The following GULP1 variants were observed in gnomAD, a reference collection of about 807,000 sequenced individuals.
The protein encoded by GULP1 is GULP PTB domain containing engulfment adaptor 1.
In GULP1, 19 loss-of-function variants were observed where a neutral mutation model predicts 40.9. That is an observed-to-expected ratio of 0.46 (90% CI 0.32 to 0.68). GULP1 has a LOEUF of 0.68. Ranked by LOEUF, GULP1 falls within the 30% of genes least tolerant of loss-of-function variation. The probability of loss-of-function intolerance (pLI) is 0.03; values close to 1 mark genes in which losing one functional copy is unlikely to be tolerated. For missense variants in GULP1, 312 were observed against 362.2 expected, an observed-to-expected ratio of 0.86 and a Z score of 1.12; for synonymous variants, 119 against 117.6, an observed-to-expected ratio of 1.01 and a Z score of -0.08.
At chr2:188,491,653 A>T (rs2062401207) in intron 4 of GULP1, 1 of 152,096 alleles carries the variant, frequency 6.6e-6, no homozygotes, top group African/African-American at 2.4e-5. Context: ...AAAAGGTCTA[A>T]GATGAGGCAG....
At chr2:188,373,593 T>C (rs894921427) in intron 1 of GULP1, among the ~76,000 whole-genome samples, 112 of 152,072 alleles carry the variant, frequency 7.4e-4, no homozygotes, top group Non-Finnish European at 1.9e-4. Context: ...ATAGTAGATG[T>C]CGAATCCTTA....
chr2:188,353,583 GA>G (rs2044813586), intron 1 of GULP1, among the ~76,000 whole-genome samples: 1 of 151,900 alleles, frequency 6.6e-6, no homozygotes, highest in Admixed American at 6.6e-5. Flanking sequence ...GTACATCCCA[GA>G]AAAATGATGC....
intron 2 of GULP1, among the ~76,000 whole-genome samples, chr2:188,409,044 A>G (rs1327128056): frequency 1.3e-5 from 2 of 152,154 alleles, no homozygotes; most frequent in Non-Finnish European, 2.9e-5. Context: ...AAAAGAAAGA[A>G]AAAGAAGCAA....
chr2:188,444,248 ATT>A (rs1326323035), intron 2 of GULP1, among the ~76,000 whole-genome samples: 3 of 152,200 alleles, frequency 2.0e-5, no homozygotes, highest in Non-Finnish European at 4.4e-5. Context: ...AACATATTGT[ATT>A]CTTGAAAAAT....
At chr2:188,483,809 C>T (rs1344628925) in intron 4 of GULP1, among the ~76,000 whole-genome samples, 1 of 152,094 alleles carries the variant, frequency 6.6e-6, no homozygotes, top group Non-Finnish European at 1.5e-5. Context: ...TCTTTAAAAA[C>T]ATTAATGTTA....
At chr2:188,448,954 C>G (rs553018054) in intron 2 of GULP1, among the ~76,000 whole-genome samples, 1 of 152,306 alleles carries the variant, frequency 6.6e-6, no homozygotes, top group Admixed American at 6.5e-5. Flanking sequence ...TCCCTGGAAG[C>G]TGAGCAGATG....
chr2:188,469,811 G>A (rs1214637692), intron 2 of GULP1, among the ~76,000 whole-genome samples: 5 of 152,070 alleles, frequency 3.3e-5, no homozygotes, highest in Non-Finnish European at 7.4e-5. Context: ...TGAAATGATC[G>A]TATGGTTTTT....
chr2:188,585,078 G>A (rs201605003), intron 10 of GULP1, among the ~76,000 whole-genome samples: 5 of 152,108 alleles, frequency 3.3e-5, no homozygotes, highest in East Asian at 3.9e-4. Context: ...GGAGCCACAG[G>A]CCCCTTGCAA....
intron 3 of GULP1, among the ~76,000 whole-genome samples, chr2:188,482,750 C>A (rs2061538922): frequency 6.6e-6 from 1 of 151,158 alleles, no homozygotes; most frequent in Non-Finnish European, 1.5e-5. Context: ...TTAATATATT[C>A]TATCCTTTTA....
At chr2:188,571,923 A>G (rs552158461) in intron 9 of GULP1, among the ~76,000 whole-genome samples, 2 of 152,280 alleles carry the variant, frequency 1.3e-5, no homozygotes, top group South Asian at 4.1e-4. Flanking sequence ...ACCTTCTTGG[A>G]TGCAAATCCA....
intron 4 of GULP1, among the ~76,000 whole-genome samples, chr2:188,504,951 GT>G (rs529457630): frequency 3.4e-4 from 48 of 141,000 alleles, no homozygotes; most frequent in African/African-American, 6.7e-4. Context: ...TTGCTTTGTT[GT>G]TTTTTTTTTG....
chr2:188,502,169 A>G (rs1168031690), intron 4 of GULP1, among the ~76,000 whole-genome samples: 7 of 134,032 alleles, frequency 5.2e-5, no homozygotes, highest in Non-Finnish European at 4.9e-5. Flanking sequence ...GTAGGATGGA[A>G]TAGATGTTTA....
chr2:188,360,046 T>A (rs548770127), intron 1 of GULP1, among the ~76,000 whole-genome samples: 1 of 152,242 alleles, frequency 6.6e-6, no homozygotes, highest in Non-Finnish European at 1.5e-5. Flanking sequence ...GTTGAACTTC[T>A]CCATGCTGCA....
intron 1 of GULP1, among the ~76,000 whole-genome samples, chr2:188,349,670 C>A (rs2044179608): frequency 6.6e-6 from 1 of 152,048 alleles, no homozygotes; most frequent in Non-Finnish European, 1.5e-5. Flanking sequence ...TCTTCACTTT[C>A]TTGATGTGGT....
chr2:188,530,547 C>T (rs751250812), intron 6 of GULP1, among the ~76,000 whole-genome samples: 18 of 152,028 alleles, frequency 1.2e-4, no homozygotes, highest in Admixed American at 2.6e-4. Flanking sequence ...GGTGGGGCCT[C>T]ATCCAATATG....
chr2:188,501,206 G>A (rs1043670132), intron 4 of GULP1, among the ~76,000 whole-genome samples: 2 of 151,880 alleles, frequency 1.3e-5, no homozygotes, highest in African/African-American at 4.8e-5. Flanking sequence ...CCGGTGGGAG[G>A]TGATTGGATC....
At chr2:188,310,931 A>G (rs1310395725) in intron 1 of GULP1, among the ~76,000 whole-genome samples, 1 of 152,236 alleles carries the variant, frequency 6.6e-6, no homozygotes, top group African/African-American at 2.4e-5. Context: ...ATAGGACTTA[A>G]CTGTGTTAAA....
chr2:188,425,575 C>T (rs762037361), intron 2 of GULP1, among the ~76,000 whole-genome samples: 1 of 152,116 alleles, frequency 6.6e-6, no homozygotes, highest in Non-Finnish European at 1.5e-5. Context: ...AGGACTGCAG[C>T]AGTTTTACAT....
intron 1 of GULP1, among the ~76,000 whole-genome samples, chr2:188,347,792 A>G (rs1385633467): frequency 1.3e-5 from 2 of 152,082 alleles, no homozygotes; most frequent in East Asian, 3.9e-4. Context: ...TTCTTTTTCT[A>G]TTTTTTGTAG....
Sources: allele counts gnomAD v4.1 joint callset (sites outside exome capture counted in the v4.1 genomes callset), GRCh38; gene constraint gnomAD v4.1.1; transcripts MANE v1.5; gene names NCBI Gene and HGNC (gene_info 2026-07-23, HGNC 2026-07-21).